The following SLC24A2 variants were observed in gnomAD, a reference collection of about 807,000 sequenced individuals.
SLC24A2 encodes solute carrier family 24 member 2.
Under a neutral mutation model 62.0 loss-of-function variants are expected in SLC24A2, and 36 were observed. The observed-to-expected ratio is 0.58, with a 90% CI of 0.44 to 0.77. The LOEUF is 0.77. Among genes scored for constraint, SLC24A2 ranks in the 30% least tolerant of loss-of-function variants. SLC24A2 has a pLI of 0.00. For synonymous variants in SLC24A2, 358 were observed against 294.0 expected (o/e 1.22, Z -2.23); for missense variants, 846 against 817.9 (o/e 1.03, Z -0.42).
the SLC24A2 span, among the ~76,000 whole-genome samples, chr9:20,021,308 C>G: frequency 6.6e-6 from 1 of 151,632 alleles, no homozygotes; most frequent in African/African-American, 2.4e-5. Context: ...ATTTTTCCTT[C>G]TTTATATATT....
chr9:20,071,349 T>G, the SLC24A2 span, among the ~76,000 whole-genome samples: 4 of 152,202 alleles, frequency 2.6e-5, no homozygotes, highest in African/African-American at 9.7e-5. Context: ...ATTCAGGGTT[T>G]CCATTCATTT....
At chr9:20,015,802 T>C in the SLC24A2 span, among the ~76,000 whole-genome samples, 1 of 152,238 alleles carries the variant, frequency 6.6e-6, no homozygotes, top group East Asian at 1.9e-4. Flanking sequence ...AGGATCTTTT[T>C]TAAATGTGGG....
chr9:19,986,616 G>C, the SLC24A2 span, among the ~76,000 whole-genome samples: 1 of 152,088 alleles, frequency 6.6e-6, no homozygotes, highest in Admixed American at 6.6e-5. Flanking sequence ...CCACAAAAAG[G>C]AATGAGGTAC....
chr9:20,019,673 C>T, the SLC24A2 span, among the ~76,000 whole-genome samples: 57 of 152,108 alleles, frequency 3.7e-4, no homozygotes, highest in Middle Eastern at 3.4e-3. Context: ...AAAGACTTCC[C>T]GACTAAAACA....
At chr9:19,873,053 T>A in the SLC24A2 span, among the ~76,000 whole-genome samples, 1 of 151,502 alleles carries the variant, frequency 6.6e-6, no homozygotes, top group Non-Finnish European at 1.5e-5. Flanking sequence ...TCATTAAAAA[T>A]CAAGTTGTTT....
chr9:19,656,230 G>C (rs1211435932), intron 2 of SLC24A2, among the ~76,000 whole-genome samples: 7 of 152,126 alleles, frequency 4.6e-5, no homozygotes, highest in African/African-American at 1.4e-4. Flanking sequence ...AAGTCTTTGT[G>C]GTTGTCAAGG....
At chr9:19,980,482 T>C in the SLC24A2 span, among the ~76,000 whole-genome samples, 1 of 152,114 alleles carries the variant, frequency 6.6e-6, no homozygotes, top group Non-Finnish European at 1.5e-5. Context: ...AAGTGAGAAT[T>C]ACATGAAAAG....
chr9:19,540,495 G>A (rs1167766603), intron 8 of SLC24A2, among the ~76,000 whole-genome samples: 1 of 151,370 alleles, frequency 6.6e-6, no homozygotes, highest in Non-Finnish European at 1.5e-5. Context: ...GAAATTCTGG[G>A]TTGAAAATTC....
At chr9:20,003,004 T>C in the SLC24A2 span, among the ~76,000 whole-genome samples, 7 of 152,168 alleles carry the variant, frequency 4.6e-5, no homozygotes, top group Non-Finnish European at 8.8e-5. Flanking sequence ...AAATTCTTAA[T>C]AGCTTTCGAA....
At chr9:20,080,466 A>T in the SLC24A2 span, among the ~76,000 whole-genome samples, 2 of 152,204 alleles carry the variant, frequency 1.3e-5, no homozygotes, top group African/African-American at 4.8e-5. Flanking sequence ...CACCTTATAC[A>T]AAAATTAATT....
At chr9:20,057,416 G>C in the SLC24A2 span, among the ~76,000 whole-genome samples, 17 of 152,202 alleles carry the variant, frequency 1.1e-4, no homozygotes, top group Admixed American at 3.9e-4. Flanking sequence ...AGTAGGGGTA[G>C]ATTTATCATA....
At chr9:20,099,426 T>G in the SLC24A2 span, among the ~76,000 whole-genome samples, 1 of 152,206 alleles carries the variant, frequency 6.6e-6, no homozygotes, top group African/African-American at 2.4e-5. Context: ...AGGTTGCTTT[T>G]TGGTACTGAC....
the SLC24A2 span, among the ~76,000 whole-genome samples, chr9:20,104,119 T>G: frequency 2.0e-5 from 3 of 151,882 alleles, no homozygotes; most frequent in Admixed American, 2.0e-4. Context: ...ATGAAATGAA[T>G]GAAATGAAGT....
At chr9:19,949,273 C>A in the SLC24A2 span, among the ~76,000 whole-genome samples, 2 of 152,000 alleles carry the variant, frequency 1.3e-5, no homozygotes, top group Admixed American at 6.5e-5. Context: ...GGATTACAGG[C>A]ATGAGCCACT....
At chr9:19,744,177 A>G (rs1297393639) in intron 2 of SLC24A2, among the ~76,000 whole-genome samples, 1 of 152,122 alleles carries the variant, frequency 6.6e-6, no homozygotes, top group Non-Finnish European at 1.5e-5. Context: ...GGTTCAGAAG[A>G]GGGTCTTGTC....
At chr9:19,597,419 A>G in intron 4 of SLC24A2, 140 bp from the exon 5 acceptor site, 1 of 698,338 alleles carries the variant, frequency 1.4e-6, no homozygotes, top group Non-Finnish European at 2.6e-6. Context: ...ATGTGCAAAC[A>G]TGGGCCATGT....
At chr9:19,631,442 C>T (rs1446331403) in intron 2 of SLC24A2, among the ~76,000 whole-genome samples, 1 of 152,172 alleles carries the variant, frequency 6.6e-6, no homozygotes, top group Non-Finnish European at 1.5e-5. Context: ...CTTCTTTGAA[C>T]TCCTGTGTTA....
the SLC24A2 span, among the ~76,000 whole-genome samples, chr9:20,036,751 G>A: frequency 2.7e-4 from 41 of 152,064 alleles, no homozygotes; most frequent in Middle Eastern, 3.4e-3. Flanking sequence ...ATAGGATGCC[G>A]GAGGATACCA....
chr9:19,854,917 G>A, the SLC24A2 span, among the ~76,000 whole-genome samples: 2 of 152,158 alleles, frequency 1.3e-5, no homozygotes, highest in African/African-American at 4.8e-5. Flanking sequence ...ATTATTGTGT[G>A]TGAGTCTGAG....
Sources: gnomAD v4.1 joint callset for allele counts (sites outside exome capture counted in the v4.1 genomes callset) on GRCh38, gnomAD v4.1.1 for gene constraint, MANE v1.5 for transcripts, NCBI Gene and HGNC (gene_info 2026-07-23, HGNC 2026-07-21) for gene names.